Variants in ANKRD28 observed in about 807,000 individuals in gnomAD.
ANKRD28 encodes ankyrin repeat domain 28.
ANKRD28 carries 44 observed loss-of-function variants against 126.5 expected under a neutral mutation model. The observed-to-expected ratio is 0.35, with a 90% CI of 0.27 to 0.45. ANKRD28 has a LOEUF of 0.45. ANKRD28 is among the 20% of genes least tolerant of loss of function. The pLI, the probability that ANKRD28 is intolerant of heterozygous loss-of-function variation, is 1.00. For synonymous variants in ANKRD28, 442 were observed against 468.5 expected (o/e 0.94, Z 0.73); for missense variants, 1,110 against 1,316.6 (o/e 0.84, Z 2.43).
intron 2 of ANKRD28, among the ~76,000 whole-genome samples, chr3:15,784,015 G>A (rs530415224): frequency 1.3e-5 from 2 of 151,816 alleles, no homozygotes; most frequent in African/African-American, 4.8e-5. Context: ...AAAAGAGTCC[G>A]GAGAAATATT....
chr3:15,805,471 G>A (rs2060558065), intron 1 of ANKRD28, among the ~76,000 whole-genome samples: 1 of 152,116 alleles, frequency 6.6e-6, no homozygotes, highest in African/African-American at 2.4e-5. Context: ...TATGTGATGA[G>A]TAGTATCTCT....
chr3:15,715,994 C>CT lies in ANKRD28; in HGVS notation c.997-1339dup, dbSNP rs5846874. On this transcript the variant is annotated intron_variant, in intron 8 of 27. Transcript: ENST00000683139. Reference sequence around the variant, plus strand: ...TTTAGCTATGGCCTTTTTTTTCTCTCTTTTTTTTTTTTGAGACTTGCTTTG... The same window carrying CT: ...TTTAGCTATGGCCTTTTTTTTCTCTCTTTTTTTTTTTTTGAGACTTGCTTTG... Among the ~76,000 whole-genome samples, 362 of 142,664 alleles carry CT rather than the reference C, an allele frequency of 2.5e-3. 2 individuals carry two copies. Among genetic ancestry groups the CT allele is most frequent in the East Asian group, 0.017 (83 of 4,986 alleles). The allele number at this position is 142,664 out of a possible 152,430, so 93.6% of individuals were successfully genotyped here.
intron 1 of ANKRD28, among the ~76,000 whole-genome samples, chr3:15,836,201 C>A (rs1057355582): frequency 1.3e-5 from 2 of 151,756 alleles, no homozygotes; most frequent in Non-Finnish European, 2.9e-5. Flanking sequence ...AAACTCTATA[C>A]AAAGCAATAA....
chr3:15,729,905 T>A (rs1165064188), intron 6 of ANKRD28, among the ~76,000 whole-genome samples: 2 of 152,198 alleles, frequency 1.3e-5, no homozygotes. Flanking sequence ...TTAAAAAATT[T>A]TTGAGACGGT....
intron 1 of ANKRD28, among the ~76,000 whole-genome samples, chr3:15,840,323 A>G (rs1201716864): frequency 6.6e-6 from 1 of 152,200 alleles, no homozygotes; most frequent in Non-Finnish European, 1.5e-5. Flanking sequence ...ACCAGGAATT[A>G]ACCAAAGAAA....
intron 2 of ANKRD28, among the ~76,000 whole-genome samples, chr3:15,789,608 C>T (rs888408040): frequency 6.6e-6 from 1 of 151,804 alleles, no homozygotes; most frequent in Non-Finnish European, 1.5e-5. Context: ...TTTAAACAAC[C>T]CCAAATTACC....
chr3:15,850,228 G>T (rs370478713), intron 1 of ANKRD28, among the ~76,000 whole-genome samples: 5,471 of 51,504 alleles, frequency 0.11, 196 homozygotes, highest in African/African-American at 0.14. Flanking sequence ...TATATATAGA[G>T]AGAGAGAGAG....
intron 14 of ANKRD28, among the ~76,000 whole-genome samples, chr3:15,706,025 CA>C (rs1575274344): frequency 7.1e-6 from 1 of 140,920 alleles, no homozygotes. Context: ...CAACAAACAA[CA>C]AAAAAACCCA....
intron 15 of ANKRD28, 54 bp downstream of exon 15, chr3:15,696,080 A>G (rs1458055185): frequency 5.8e-6 from 7 of 1,202,690 alleles, no homozygotes; most frequent in Non-Finnish European, 8.2e-6. Context: ...TTTTTGTTAC[A>G]TTATTAGACT....
chr3:15,753,228 T>C (rs1246398715), intron 3 of ANKRD28, among the ~76,000 whole-genome samples: 2 of 152,212 alleles, frequency 1.3e-5, no homozygotes, highest in Non-Finnish European at 2.9e-5. Flanking sequence ...TTTGGGCAAC[T>C]ATCTGCCAGG....
At chr3:15,751,848 A>G in intron 3 of ANKRD28, 28 bp from the exon 4 acceptor site, 1 of 1,420,140 alleles carries the variant, frequency 7.0e-7, no homozygotes, top group Non-Finnish European at 9.7e-7. Context: ...AAATAAATTG[A>G]AATATTGTAC....
chr3:15,692,568 A>T (rs1203493049), intron 17 of ANKRD28, among the ~76,000 whole-genome samples: 13 of 152,234 alleles, frequency 8.5e-5, no homozygotes, highest in African/African-American at 2.7e-4. Context: ...CTGAGAGAAG[A>T]AGTCCAAATG....
At chr3:15,704,864 T>C (rs1030172075) in intron 14 of ANKRD28, among the ~76,000 whole-genome samples, 2 of 152,220 alleles carry the variant, frequency 1.3e-5, no homozygotes, top group South Asian at 4.1e-4. Flanking sequence ...CAATAAATGA[T>C]GGCACTCGAC....
chr3:15,773,460 ACT>A (rs1358269533), intron 2 of ANKRD28, among the ~76,000 whole-genome samples: 1 of 152,166 alleles, frequency 6.6e-6, no homozygotes, highest in Admixed American at 6.5e-5. Context: ...CCCTGCCTCT[ACT>A]AAAAATACAA....
At chr3:15,689,791 T>C (rs1194221860) in intron 18 of ANKRD28, 6 of 478,708 alleles carry the variant, frequency 1.3e-5, no homozygotes, top group Non-Finnish European at 2.2e-5. Context: ...ACACTGTATT[T>C]AAGTTCCCTG....
In ANKRD28 at chr3:15,812,752, C is replaced by T. The variant is rs993016328; in HGVS notation, c.28-17446G>A. Among the ~76,000 whole-genome samples the T allele has an allele frequency of 2.6e-5, 4 of 152,040 alleles. No homozygotes were observed. Among genetic ancestry groups the T allele is most frequent in the African/African-American group, 7.2e-5 (3 of 41,400 alleles). On this transcript the variant is annotated intron_variant, in intron 1 of 27. Transcript: ENST00000399451. The surrounding 1 kb of genome is among the most constrained non-coding windows in gnomAD (Gnocchi z 4.1). ...GAATTTCCAATGGAACTCTAGTTAC[C>T]AACAGCCATCCCACAGAACAACAAA...
intron 2 of ANKRD28, among the ~76,000 whole-genome samples, chr3:15,777,271 C>CAAAAAAAAAAAAAAAA (rs148444429): frequency 9.0e-6 from 1 of 111,646 alleles, no homozygotes; most frequent in Non-Finnish European, 1.9e-5. Flanking sequence ...GACTCCGTCT[C>CAAAAAAAAAAAAAAAA]AAAAAAAAAA....
At chr3:15,820,237 G>A (rs558986112) in intron 1 of ANKRD28, among the ~76,000 whole-genome samples, 1 of 152,048 alleles carries the variant, frequency 6.6e-6, no homozygotes, top group Non-Finnish European at 1.5e-5. Context: ...GTATATATAT[G>A]CATATATATC....
intron 14 of ANKRD28, among the ~76,000 whole-genome samples, chr3:15,698,334 C>A (rs1420624907): frequency 6.6e-6 from 1 of 152,152 alleles, no homozygotes; most frequent in African/African-American, 2.4e-5. Context: ...TGGCACAAGA[C>A]AGGGATGCCC....
Sources: gnomAD v4.1 joint callset for allele counts (sites outside exome capture counted in the v4.1 genomes callset) on GRCh38, gnomAD v4.1.1 for gene constraint, Gnocchi (gnomAD v3.1) non-coding constraint, MANE v1.5 for transcripts, NCBI Gene and HGNC (gene_info 2026-07-23, HGNC 2026-07-21) for gene names.